The following UBE2E2 variants were observed in gnomAD, a reference collection of about 807,000 sequenced individuals.
The protein encoded by UBE2E2 is ubiquitin-conjugating enzyme E2 E2.
In UBE2E2, 6 loss-of-function variants were observed where a neutral mutation model predicts 24.7. The observed-to-expected ratio is 0.24, with a 90% confidence interval of 0.13 to 0.48. The LOEUF (loss-of-function observed/expected upper bound fraction) is 0.48, where lower values mean the gene tolerates loss of function less well. Ranked by LOEUF, UBE2E2 falls within the 20% of genes least tolerant of loss-of-function variation. The pLI, the probability that UBE2E2 is intolerant of heterozygous loss-of-function variation, is 0.99. For synonymous variants in UBE2E2, 104 were observed against 83.6 expected (o/e 1.24, Z -1.33); for missense variants, 169 against 245.0 (o/e 0.69, Z 2.07).
intron 3 of UBE2E2, among the ~76,000 whole-genome samples, chr3:23,459,036 A>G (rs1328089645): frequency 6.6e-6 from 1 of 152,164 alleles, no homozygotes; most frequent in African/African-American, 2.4e-5. Flanking sequence ...ATTTTTTACA[A>G]ATGGGTTTGA....
intron 3 of UBE2E2, among the ~76,000 whole-genome samples, chr3:23,311,271 G>T (rs1030683857): frequency 6.6e-6 from 1 of 152,092 alleles, no homozygotes; most frequent in African/African-American, 2.4e-5. Context: ...TGGACATTTG[G>T]GTTGGTTCCA....
chr3:23,328,103 G>A (rs1315864041), intron 3 of UBE2E2, among the ~76,000 whole-genome samples: 1 of 151,778 alleles, frequency 6.6e-6, no homozygotes. Context: ...TTCTTTTTTT[G>A]TGATCTAATA....
At chr3:23,360,417 A>T (rs960610378) in intron 3 of UBE2E2, among the ~76,000 whole-genome samples, 1 of 152,340 alleles carries the variant, frequency 6.6e-6, no homozygotes, top group East Asian at 1.9e-4. Flanking sequence ...ACAAAGATGA[A>T]TAAAACATGT....
chr3:23,559,436 A>G (rs909705385), intron 5 of UBE2E2, among the ~76,000 whole-genome samples: 2 of 152,166 alleles, frequency 1.3e-5, no homozygotes, highest in Non-Finnish European at 1.5e-5. Flanking sequence ...CAGAAAGACT[A>G]TACTAGAGAT....
intron 3 of UBE2E2, among the ~76,000 whole-genome samples, chr3:23,376,552 A>G (rs1053345177): frequency 6.6e-6 from 1 of 152,208 alleles, no homozygotes; most frequent in Non-Finnish European, 1.5e-5. Context: ...CTAATTAAAG[A>G]TTGAGGTGTA....
chr3:23,361,651 G>T (rs1409158701), intron 3 of UBE2E2, among the ~76,000 whole-genome samples: 1 of 152,190 alleles, frequency 6.6e-6, no homozygotes, highest in African/African-American at 2.4e-5. Flanking sequence ...CATAAGAGTG[G>T]TATGGATGTT....
At chr3:23,306,461 G>A (rs562997191) in intron 3 of UBE2E2, among the ~76,000 whole-genome samples, 1 of 152,110 alleles carries the variant, frequency 6.6e-6, no homozygotes. Context: ...TGTAGAAATG[G>A]TATATGTCTA....
At chr3:23,302,322 C>T (rs939861397) in intron 3 of UBE2E2, among the ~76,000 whole-genome samples, 1 of 152,170 alleles carries the variant, frequency 6.6e-6, no homozygotes, top group African/African-American at 2.4e-5. Context: ...ACCATATTTC[C>T]CACTGTGAAA....
chr3:23,299,137 C>T (rs1699000540), intron 3 of UBE2E2, among the ~76,000 whole-genome samples: 1 of 151,988 alleles, frequency 6.6e-6, no homozygotes, highest in African/African-American at 2.4e-5. Flanking sequence ...TGTTGATATC[C>T]CCGTTATCAT....
At chr3:23,316,799 C>T (rs919420971) in intron 3 of UBE2E2, among the ~76,000 whole-genome samples, 15 of 152,032 alleles carry the variant, frequency 9.9e-5, no homozygotes, top group African/African-American at 3.6e-4. Context: ...AGGGCCTAAG[C>T]GCTCTTAAGT....
rs59513149 is a variant in UBE2E2 at position 23,375,529 on chromosome 3, A to G, written c.228-124079A>G. 6.0e-3 allele frequency among the ~76,000 whole-genome samples: 908 copies of G among 152,310 alleles called. 10 individuals carry two copies. Among genetic ancestry groups the G allele is most frequent in the African/African-American group, 0.021 (868 of 41,582 alleles). On this transcript the variant is annotated intron_variant, in intron 3 of 5. Coordinates refer to ENST00000396703, the MANE Select transcript of UBE2E2 (RefSeq NM_152653.4). ...TACATAGAGTACAAGTCAGACTACA[A>G]TAAATGAGTGAGTGATATGTTGTGG...
intron 3 of UBE2E2, among the ~76,000 whole-genome samples, chr3:23,484,760 A>G (rs554737293): frequency 2.0e-5 from 3 of 152,304 alleles, no homozygotes; most frequent in Admixed American, 6.5e-5. Context: ...GGCAGGTCTT[A>G]CATGGTGGCA....
chr3:23,299,966 TC>T (rs1319286327), intron 3 of UBE2E2, among the ~76,000 whole-genome samples: 3 of 152,268 alleles, frequency 2.0e-5, no homozygotes, highest in Non-Finnish European at 4.4e-5. Context: ...ATCTGGGTGC[TC>T]CTGTATTGGG....
chr3:23,556,280 G>T (rs1426173576), intron 5 of UBE2E2, among the ~76,000 whole-genome samples: 1 of 150,458 alleles, frequency 6.6e-6, no homozygotes, highest in Non-Finnish European at 1.5e-5. Context: ...GAGTAGCTGG[G>T]ACTACAGGCG....
chr3:23,461,269 T>C (rs1327888531), intron 3 of UBE2E2, among the ~76,000 whole-genome samples: 2 of 152,192 alleles, frequency 1.3e-5, no homozygotes, highest in Non-Finnish European at 2.9e-5. Flanking sequence ...CCACAAATCA[T>C]GTGTTTTATT....
At chr3:23,215,459 C>G (rs992980954) in intron 2 of UBE2E2, among the ~76,000 whole-genome samples, 2 of 152,086 alleles carry the variant, frequency 1.3e-5, no homozygotes. Flanking sequence ...CACCTCACCC[C>G]CAATGTCTGA....
intron 3 of UBE2E2, among the ~76,000 whole-genome samples, chr3:23,427,848 G>T (rs1462971690): frequency 6.6e-6 from 1 of 152,176 alleles, no homozygotes; most frequent in Non-Finnish European, 1.5e-5. Flanking sequence ...TGGTAAACGG[G>T]TCAATACTTC....
chr3:23,442,573 A>C (rs1330162175), intron 3 of UBE2E2, among the ~76,000 whole-genome samples: 1 of 152,256 alleles, frequency 6.6e-6, no homozygotes, highest in Non-Finnish European at 1.5e-5. Flanking sequence ...AATGCCTTAC[A>C]TAAGGCACTG....
At chr3:23,341,118 T>C (rs190680131) in intron 3 of UBE2E2, among the ~76,000 whole-genome samples, 1 of 152,304 alleles carries the variant, frequency 6.6e-6, no homozygotes, top group East Asian at 1.9e-4. Context: ...GGTGTAAGTC[T>C]TGCTAATAGC....
Sources: gnomAD v4.1 joint callset for allele counts (sites outside exome capture counted in the v4.1 genomes callset) on GRCh38, gnomAD v4.1.1 for gene constraint, MANE v1.5 for transcripts, NCBI Gene and HGNC (gene_info 2026-07-23, HGNC 2026-07-21) for gene names.